EML4: variants seen among roughly 807,000 people sequenced by gnomAD.
The protein encoded by EML4 is echinoderm microtubule-associated protein-like 4.
In EML4, 72 loss-of-function variants were observed where a neutral mutation model predicts 129.0. That is an observed-to-expected ratio of 0.56 (90% CI 0.46 to 0.68). The LOEUF is 0.68. EML4 is among the 30% of genes least tolerant of loss of function. The probability of loss-of-function intolerance (pLI) is 0.00; values close to 1 mark genes in which losing one functional copy is unlikely to be tolerated. For missense variants in EML4, 1,363 were observed against 1,190.6 expected (o/e 1.14, Z -2.13); for synonymous variants, 532 against 405.0 (o/e 1.31, Z -3.77).
intron 17 of EML4, among the ~76,000 whole-genome samples, chr2:42,310,309 TC>T (rs986707479): frequency 1.3e-5 from 2 of 151,330 alleles, no homozygotes; most frequent in Admixed American, 1.3e-4. Context: ...CCCTTTCCCT[TC>T]CCCTTTCCCT....
chr2:42,173,081 C>G (rs962738837), intron 1 of EML4, among the ~76,000 whole-genome samples: 19 of 152,154 alleles, frequency 1.2e-4, no homozygotes, highest in African/African-American at 4.6e-4. Flanking sequence ...AAACAACATT[C>G]TGGGTACAGG....
At chr2:42,241,742 A>G (rs760251578) in intron 1 of EML4, among the ~76,000 whole-genome samples, 5 of 152,220 alleles carry the variant, frequency 3.3e-5, no homozygotes, top group Non-Finnish European at 7.3e-5. Flanking sequence ...TAAAAGGCAC[A>G]TAAGGTGAGA....
chr2:42,211,790 G>T (rs1672900607), intron 1 of EML4, among the ~76,000 whole-genome samples: 1 of 151,884 alleles, frequency 6.6e-6, no homozygotes, highest in Admixed American at 6.6e-5. Context: ...ACTTAGCCTG[G>T]CAGCAAACGT....
At chr2:42,303,014 T>C in intron 14 of EML4, 90 bp from the exon 15 acceptor site, 1 of 1,337,578 alleles carries the variant, frequency 7.5e-7, no homozygotes, top group Non-Finnish European at 1.0e-6. Flanking sequence ...CATAATTACC[T>C]CATAATTGCT....
At chr2:42,215,307 C>T (rs957832197) in intron 1 of EML4, among the ~76,000 whole-genome samples, 1 of 152,150 alleles carries the variant, frequency 6.6e-6, no homozygotes, top group African/African-American at 2.4e-5. Flanking sequence ...CCTGCCTCAG[C>T]CTCCCAAAGT....
intron 6 of EML4, among the ~76,000 whole-genome samples, chr2:42,274,155 C>G (rs985396142): frequency 1.3e-5 from 2 of 152,132 alleles, no homozygotes; most frequent in Non-Finnish European, 2.9e-5. Context: ...AGTAAAGATT[C>G]TTTAAGTTTC....
chr2:42,303,242 A>T lies in EML4; in HGVS notation c.1767+13A>T, dbSNP rs1436936384. ...AATAGAAGTACAGGTAAGCTGTGTG[A>T]TATTAACCGTTAACTGAATATTTTT... On this transcript the variant is annotated intron_variant, in intron 15 of 22. Coordinates refer to ENST00000318522, the MANE Select transcript of EML4 (RefSeq NM_019063.5). 6.2e-6 allele frequency: 10 copies of T among 1,614,024 alleles called. No individual in the cohort carries two copies. The highest frequency in any genetic ancestry group is 8.5e-6 in the Non-Finnish European group (10 of 1,180,018).
chr2:42,223,219 A>G (rs527543037), intron 1 of EML4, among the ~76,000 whole-genome samples: 3 of 152,118 alleles, frequency 2.0e-5, no homozygotes, highest in African/African-American at 2.4e-5. Flanking sequence ...TCCCTGCTAC[A>G]TACATTGTTG....
At chr2:42,236,471 ATAAATGAAGTTTTAT>A (rs1159685285) in intron 1 of EML4, among the ~76,000 whole-genome samples, 4 of 152,226 alleles carry the variant, frequency 2.6e-5, no homozygotes, top group African/African-American at 4.8e-5. Context: ...CACCTGTTTT[ATAAATGAAGTTTTAT>A]TAAATGAAGT....
At chr2:42,282,640 A>G (rs1056123519) in intron 7 of EML4, among the ~76,000 whole-genome samples, 183 bp from the exon 8 acceptor site, 2 of 151,880 alleles carry the variant, frequency 1.3e-5, no homozygotes, top group Non-Finnish European at 2.9e-5. Context: ...TGATCCTCCC[A>G]CCTTGGCCTC....
chr2:42,172,585 C>T (rs1670344566), intron 1 of EML4, among the ~76,000 whole-genome samples: 1 of 152,034 alleles, frequency 6.6e-6, no homozygotes, highest in Admixed American at 6.6e-5. Flanking sequence ...TCTGGAATTT[C>T]CCTTAGGTAT....
intron 17 of EML4, among the ~76,000 whole-genome samples, chr2:42,308,504 A>G (rs184337589): frequency 6.6e-6 from 1 of 152,316 alleles, no homozygotes; most frequent in African/African-American, 2.4e-5. Flanking sequence ...CTCAAAACAA[A>G]AAACAAAAGT....
rs2103814189 is a variant in EML4 at position 42,322,332 on chromosome 2, C to G, written c.2155-3135C>G. Among the ~76,000 whole-genome samples the G allele has an allele frequency of 1.3e-5, 2 of 152,332 alleles. 1 individual carries two copies. Among genetic ancestry groups the G allele is most frequent in the South Asian group, 4.1e-4 (2 of 4,832 alleles). On this transcript the variant is annotated intron_variant, in intron 19 of 22. Coordinates refer to ENST00000318522, the MANE Select transcript of EML4 (RefSeq NM_019063.5). ...CTTAGAAACCACAGGGGACTAGTTG[C>G]TACTGCATTGGACTGCACTGATACA... is the stretch of plus-strand genomic sequence containing the variant.
intron 11 of EML4, among the ~76,000 whole-genome samples, chr2:42,290,313 T>C (rs566335130): frequency 1.3e-5 from 2 of 152,254 alleles, no homozygotes; most frequent in African/African-American, 4.8e-5. Context: ...CACAAGGATT[T>C]GGGGAGTTGA....
chr2:42,240,547 G>A (rs750909192), intron 1 of EML4, among the ~76,000 whole-genome samples: 1 of 152,166 alleles, frequency 6.6e-6, no homozygotes, highest in Non-Finnish European at 1.5e-5. Context: ...AAGTCATCTT[G>A]TAGATTTTTC....
At chr2:42,312,644 C>A (rs1427591874) in intron 17 of EML4, among the ~76,000 whole-genome samples, 1 of 151,972 alleles carries the variant, frequency 6.6e-6, no homozygotes, top group East Asian at 1.9e-4. Context: ...ACCTCCACCT[C>A]CCGGGTTTAA....
chr2:42,245,517 C>T lies in EML4; in HGVS notation c.38C>T (p.Ser13Phe). 6.2e-7 allele frequency: 1 copy of T among 1,611,310 alleles called. No individual in the cohort carries two copies. The change falls in exon 2 of 23, where the codon TCT becomes TTT. Residue 13 changes from serine to phenylalanine, a missense_variant. Coordinates refer to ENST00000318522, the MANE Select transcript of EML4 (RefSeq NM_019063.5). Reference protein sequence around the residue: ...GFAGSLDDSISAASTSDVQDR... With the variant: ...GFAGSLDDSIFAASTSDVQDR... The stretch of plus-strand genomic sequence containing the variant: ...TTTTATTTTATAGATGATAGTATTT[C>T]TGCTGCAAGTACTTCTGATGTTCAA...
chr2:42,179,465 A>G (rs2103829724), intron 1 of EML4, among the ~76,000 whole-genome samples: 1 of 152,240 alleles, frequency 6.6e-6, no homozygotes, highest in African/African-American at 2.4e-5. Context: ...ATTAATGTTT[A>G]TTGAACTTGG....
chr2:42,176,543 A>G (rs1670614376), intron 1 of EML4, among the ~76,000 whole-genome samples: 2 of 151,984 alleles, frequency 1.3e-5, no homozygotes, highest in South Asian at 2.1e-4. Context: ...TATTCCTCAC[A>G]TTTTCATCTT....
Sources: allele counts gnomAD v4.1 joint callset (sites outside exome capture counted in the v4.1 genomes callset), GRCh38; gene constraint gnomAD v4.1.1; transcripts MANE v1.5; gene names NCBI Gene and HGNC (gene_info 2026-07-23, HGNC 2026-07-21).